The following ACSM5 variants were observed in gnomAD, a reference collection of about 807,000 sequenced individuals.
ACSM5 encodes acyl-CoA synthetase medium chain family member 5.
In ACSM5, 56 loss-of-function variants were observed where a neutral mutation model predicts 71.6. That is an observed-to-expected ratio of 0.78 (90% CI 0.63 to 0.98). ACSM5 has a LOEUF of 0.98. Ranked by LOEUF, ACSM5 falls within the 50% of genes least tolerant of loss-of-function variation. The pLI is 0.00. For synonymous variants in ACSM5, 285 were observed against 281.5 expected (o/e 1.01, Z -0.12); for missense variants, 723 against 726.0 (o/e 1.00, Z 0.05).
chr16:20,434,086 T>C (rs1163169258), intron 10 of ACSM5, among the ~76,000 whole-genome samples: 1 of 152,322 alleles, frequency 6.6e-6, no homozygotes, highest in Non-Finnish European at 1.5e-5. Flanking sequence ...TCACTTTCTT[T>C]AAGCTATTTT....
rs566445704 is a variant in ACSM5, at chr16:20,437,152, G to A, written c.1409G>A (p.Arg470Lys). ...DKDGYFWFMG[R>K]NDDVINSSSY... ...GATGGCTACTTTTGGTTCATGGGAA[G>A]AAACGACGATGTGATCAATTCTTCA... Residue 470 changes from arginine (R) to lysine (K), a missense_variant, in exon 11 of 14, where the codon AGA becomes AAA. Coordinates refer to ENST00000331849, the MANE Select transcript of ACSM5 (RefSeq NM_017888.3). 1.9e-6 allele frequency: 3 copies of A among 1,614,214 alleles called. No individual in the cohort carries two copies. The highest frequency in any genetic ancestry group is 1.6e-4 in the Middle Eastern group (1 of 6,062).
intron 10 of ACSM5, among the ~76,000 whole-genome samples, chr16:20,431,780 G>A (rs1446484157): frequency 1.3e-5 from 2 of 151,746 alleles, no homozygotes; most frequent in African/African-American, 2.4e-5. Flanking sequence ...GTGAAACCCC[G>A]TTTCTACCAA....
rs778471450 is a variant in ACSM5, at chr16:20,437,294, A to G, written c.1463A>G (p.Glu488Gly). 19 of 1,614,026 alleles carry G rather than the reference A, an allele frequency of 1.2e-5. No homozygotes were observed. In the South Asian group the frequency reaches 1.9e-4, roughly 16 times the overall value. The part of the protein sequence containing the change: ...SSYRIGPVEV[E>G]SALAEHPAVL... ...TACCGGATCGGGCCTGTTGAAGTGG[A>G]AAGTGCCCTGGCAGAGCATCCTGCT... The change falls in exon 12 of 14, where the codon GAA becomes GGA. Residue 488 changes from glutamate (E) to glycine (G), a missense_variant. Physicochemically the swap from Glu to Gly is moderately conservative, Grantham distance 98. Coordinates refer to ENST00000331849, the MANE Select transcript of ACSM5 (RefSeq NM_017888.3).
intron 5 of ACSM5, among the ~76,000 whole-genome samples, chr16:20,422,444 A>T (rs1966898088): frequency 6.6e-6 from 1 of 152,174 alleles, no homozygotes; most frequent in Non-Finnish European, 1.5e-5. Context: ...TCACCTGTTG[A>T]TAGACACTTG....
intron 5 of ACSM5, among the ~76,000 whole-genome samples, chr16:20,421,828 G>A (rs1320102753): frequency 6.6e-6 from 1 of 151,488 alleles, no homozygotes; most frequent in African/African-American, 2.4e-5. Flanking sequence ...CTTTCCAAAT[G>A]AGAACTGTGC....
intron 3 of ACSM5, among the ~76,000 whole-genome samples, chr16:20,418,915 G>A (rs1966865096): frequency 6.6e-6 from 1 of 152,122 alleles, no homozygotes; most frequent in Admixed American, 6.5e-5. Context: ...GGAGGTTAGG[G>A]GGACAGGTCC....
intron 2 of ACSM5, among the ~76,000 whole-genome samples, chr16:20,414,132 C>T (rs1257169869): frequency 7.2e-5 from 11 of 152,048 alleles, no homozygotes; most frequent in East Asian, 5.8e-4. Flanking sequence ...TTACAAGATA[C>T]GCAAAGAAAC....
At chr16:20,429,830 C>A in intron 8 of ACSM5, 29 bp downstream of exon 8, 1 of 1,607,256 alleles carries the variant, frequency 6.2e-7, no homozygotes, top group Non-Finnish European at 8.5e-7. Context: ...AGGTCCCTAC[C>A]CCCCAGGTCC....
At chr16:20,419,776 TTGG>T (rs879561722) in intron 4 of ACSM5, 106 of 369,544 alleles carry the variant, frequency 2.9e-4, no homozygotes, top group African/African-American at 2.0e-3. Context: ...TGGCCATGTA[TTGG>T]GTACTTAGTG....
rs907998855 is a variant in ACSM5, at chr16:20,441,319, G to A, written c.*892G>A. The A allele has an allele frequency of 2.0e-5, 3 of 152,160 alleles. No homozygotes were observed. Among genetic ancestry groups the A allele is most frequent in the African/African-American group, 7.2e-5 (3 of 41,422 alleles). The allele number at this position is 152,160 out of a possible 1,614,324, so 9.4% of individuals were successfully genotyped here. A position where few individuals can be genotyped will look rare whatever the true frequency, so the allele number is the denominator to read the frequency against. On this transcript the variant is annotated 3_prime_UTR_variant, in exon 14 of 14. Transcript: ENST00000331849. The stretch of plus-strand genomic sequence containing the variant: ...CACATACAACTATTTTAATGAAAAA[G>A]TTATGTTAAAGAAAGCACACTCTGC...
chr16:20,431,089 A>T lies in ACSM5; in HGVS notation c.1206+16A>T. On this transcript the variant is annotated intron_variant, in intron 9 of 13. Transcript: ENST00000331849. ...CGATGTGCAGGTAGCAGCCTCCCCC[A>T]ACTTCTGGCAAGGCCTGGCATGGAG... The T allele has an allele frequency of 6.2e-7, 1 of 1,610,624 alleles. No individual in the cohort carries two copies. The highest frequency in any genetic ancestry group is 8.5e-7 in the Non-Finnish European group (1 of 1,178,216).
chr16:20,429,614 C>T, intron 7 of ACSM5, 64 bp from the exon 8 acceptor site: 2 of 1,606,206 alleles, frequency 1.2e-6, no homozygotes, highest in Non-Finnish European at 8.5e-7. Context: ...TGGGCAGTGG[C>T]ACCAGAGGGC....
chr16:20,427,674 T>C (rs1473324499), intron 6 of ACSM5, 114 bp from the exon 7 acceptor site: 2 of 767,416 alleles, frequency 2.6e-6, no homozygotes, highest in Non-Finnish European at 4.6e-6. Context: ...ATTCCACACA[T>C]AGTTTTCAGC....
chr16:20,415,309 C>A (rs28524017), intron 2 of ACSM5, among the ~76,000 whole-genome samples: 2,126 of 152,254 alleles, frequency 0.014, 47 homozygotes, highest in African/African-American at 0.048. Flanking sequence ...GTTGGACAAT[C>A]TTTTGCTAGC....
In ACSM5 at chr16:20,440,206, C is replaced by T. The variant is rs919780382; in HGVS notation, c.1657-138C>T. ...TGTGCTCCAGGCTCCAGCTGTTTTG[C>T]TTCTGGCCATTTAGGGGGAAACCCT... On this transcript the variant is annotated intron_variant, in intron 13 of 13. Transcript: ENST00000331849. The T allele has an allele frequency of 1.6e-5, 11 of 700,782 alleles. No homozygotes were observed. In the African/African-American group the frequency reaches 2.0e-4, roughly 13 times the overall value. 43.4% of individuals were successfully genotyped at this position (700,782 alleles called of 1,614,324 possible). A position where few individuals can be genotyped will look rare whatever the true frequency, so the allele number is the denominator to read the frequency against.
In ACSM5 at chr16:20,419,427, A is replaced by C. The variant is rs1332947761; in HGVS notation, c.615A>C (p.Glu205Asp). ...GGCCAGGCTGGTTGAACTTCAGGGA[A>C]CTCCTCCGGTGAATTGGGGCTCTCC... The part of the protein sequence containing the change: ...SSRPGWLNFR[E>D]LLREASTEHN... The change falls in exon 4 of 14, where the codon GAA becomes GAC. Residue 205 changes from glutamate to aspartate, a missense_variant. Physicochemically the swap from Glu to Asp is conservative, Grantham distance 45. Coordinates refer to ENST00000331849, the MANE Select transcript of ACSM5 (RefSeq NM_017888.3). 1 of 1,613,910 alleles carries C rather than the reference A, an allele frequency of 6.2e-7. No homozygotes were observed. The highest frequency in any genetic ancestry group is 1.3e-5 in the African/African-American group (1 of 74,890).
Position 20,427,036 on chromosome 16 carries a change from T to C in ACSM5, c.922-752T>C, listed in dbSNP as rs1315837358. Among the ~76,000 whole-genome samples the C allele has an allele frequency of 9.9e-5, 15 of 151,390 alleles. No homozygotes were observed. The East Asian group carries it at 2.1e-3, about 22-fold the overall frequency. On this transcript the variant is annotated intron_variant, in intron 6 of 13. Coordinates refer to ENST00000331849, the MANE Select transcript of ACSM5 (RefSeq NM_017888.3). ...GTTCACTGGTGGCCGGGCACAGTGG[T>C]TCATACCTGTAATCCCAGCACTTTG... is the stretch of plus-strand genomic sequence containing the variant.
chr16:20,418,413 C>T, intron 3 of ACSM5, 144 bp downstream of exon 3: 1 of 851,014 alleles, frequency 1.2e-6, no homozygotes, highest in South Asian at 1.8e-5. Context: ...CAATCACAGA[C>T]TTGATTGTAT....
intron 2 of ACSM5, among the ~76,000 whole-genome samples, chr16:20,413,811 C>T (rs1370130713): frequency 6.6e-6 from 1 of 152,114 alleles, no homozygotes; most frequent in African/African-American, 2.4e-5. Flanking sequence ...TTGTTAATTG[C>T]CTGGCTGAGT....
Sources: gnomAD v4.1 joint callset for allele counts (sites outside exome capture counted in the v4.1 genomes callset) on GRCh38, gnomAD v4.1.1 for gene constraint, MANE v1.5 for transcripts, NCBI Gene and HGNC (gene_info 2026-07-23, HGNC 2026-07-21) for gene names.